Variants in BRD10 observed in about 807,000 individuals in gnomAD.
The protein encoded by BRD10 is bromodomain containing 10, also known as uncharacterized bromodomain-containing protein 10.
the BRD10 span, among the ~76,000 whole-genome samples, chr9:5,879,844 A>G: frequency 6.6e-6 from 1 of 152,214 alleles, no homozygotes; most frequent in Non-Finnish European, 1.5e-5. Flanking sequence ...AAAATCCCAT[A>G]GCTCGGATCT....
the BRD10 span, chr9:5,944,863 A>G: frequency 6.9e-7 from 1 of 1,455,544 alleles, no homozygotes; most frequent in Non-Finnish European, 9.4e-7. Context: ...TTTTGGATCA[A>G]CACCTACCGA....
the BRD10 span, chr9:5,920,007 G>T: frequency 6.2e-7 from 1 of 1,614,022 alleles, no homozygotes; most frequent in South Asian, 1.1e-5. Flanking sequence ...GTTGGTACAG[G>T]AGGTGGAACA....
chr9:5,960,430 C>T, the BRD10 span, among the ~76,000 whole-genome samples: 9 of 152,006 alleles, frequency 5.9e-5, no homozygotes, highest in African/African-American at 2.2e-4. Context: ...GACATGGTGG[C>T]ACATGCCTGT....
the BRD10 span, among the ~76,000 whole-genome samples, chr9:5,974,706 T>C: frequency 6.6e-6 from 1 of 152,168 alleles, no homozygotes; most frequent in African/African-American, 2.4e-5. Context: ...ACTCTACAGA[T>C]GTGCAGAGGA....
At chr9:5,955,623 C>A in the BRD10 span, among the ~76,000 whole-genome samples, 16 of 149,636 alleles carry the variant, frequency 1.1e-4, no homozygotes, top group African/African-American at 3.8e-4. Context: ...TATACTATGA[C>A]TGAACTGCAA....
At chr9:5,986,567 T>C in the BRD10 span, among the ~76,000 whole-genome samples, 1 of 152,232 alleles carries the variant, frequency 6.6e-6, no homozygotes, top group Non-Finnish European at 1.5e-5. Context: ...GCTGAACTAA[T>C]TTACATTCCC....
the BRD10 span, chr9:5,921,161 T>C: frequency 3.1e-6 from 5 of 1,613,948 alleles, no homozygotes; most frequent in Non-Finnish European, 4.2e-6. Flanking sequence ...AATATAGCCC[T>C]TGCTACTTTT....
At chr9:5,937,617 A>C in the BRD10 span, among the ~76,000 whole-genome samples, 1 of 152,234 alleles carries the variant, frequency 6.6e-6, no homozygotes, top group Non-Finnish European at 1.5e-5. Flanking sequence ...AACTCCTCTG[A>C]AACTCAACTC....
At chr9:5,952,169 T>C in the BRD10 span, among the ~76,000 whole-genome samples, 3 of 151,978 alleles carry the variant, frequency 2.0e-5, no homozygotes, top group South Asian at 4.2e-4. Context: ...TACAGGCACA[T>C]GCCACCACAC....
the BRD10 span, among the ~76,000 whole-genome samples, chr9:5,973,137 C>T: frequency 3.3e-5 from 5 of 152,228 alleles, no homozygotes; most frequent in African/African-American, 1.2e-4. Context: ...AAATGCTCTA[C>T]GGAGTTTAAA....
At chr9:5,972,875 T>A in the BRD10 span, among the ~76,000 whole-genome samples, 2 of 152,176 alleles carry the variant, frequency 1.3e-5, no homozygotes, top group Non-Finnish European at 2.9e-5. Flanking sequence ...GTATCTTTAA[T>A]ATACTCAGAA....
At chr9:5,993,758 G>C in the BRD10 span, among the ~76,000 whole-genome samples, 4 of 152,214 alleles carry the variant, frequency 2.6e-5, no homozygotes, top group East Asian at 7.7e-4. Context: ...TCAGAAGTCA[G>C]AGGTCAAGGC....
At chr9:5,998,650 T>C in the BRD10 span, among the ~76,000 whole-genome samples, 1 of 152,096 alleles carries the variant, frequency 6.6e-6, no homozygotes, top group African/African-American at 2.4e-5. Context: ...AATACATGTG[T>C]ACATATGAGA....
chr9:5,884,819 A>T, the BRD10 span, among the ~76,000 whole-genome samples: 1 of 152,186 alleles, frequency 6.6e-6, no homozygotes, highest in Non-Finnish European at 1.5e-5. Context: ...CATGGGATTT[A>T]CCACGTTTCT....
chr9:5,929,161 T>TA, the BRD10 span: 1 of 1,440,184 alleles, frequency 6.9e-7, no homozygotes, highest in Non-Finnish European at 9.7e-7. Flanking sequence ...CCATTTTCCC[T>TA]AAAAATAATG....
the BRD10 span, among the ~76,000 whole-genome samples, chr9:5,955,557 A>C: frequency 6.6e-6 from 1 of 152,206 alleles, no homozygotes; most frequent in Middle Eastern, 3.2e-3. Flanking sequence ...CTTTTTAATC[A>C]TATCGCAGAA....
At chr9:5,899,016 T>C in the BRD10 span, 1 of 152,318 alleles carries the variant, frequency 6.6e-6, no homozygotes, top group Admixed American at 6.5e-5. Flanking sequence ...ATGGGAAACA[T>C]CAACTGAGTT....
At chr9:5,904,771 C>A in the BRD10 span, among the ~76,000 whole-genome samples, 11 of 147,048 alleles carry the variant, frequency 7.5e-5, no homozygotes, top group Admixed American at 1.4e-4. Flanking sequence ...AGTCCAGTTA[C>A]ACTTCTTTTT....
At chr9:5,924,609 T>A in the BRD10 span, 1 of 1,179,038 alleles carries the variant, frequency 8.5e-7, no homozygotes, top group East Asian at 2.5e-5. Context: ...AAACAAAAAC[T>A]TCTCTTTGTG....
Sources: allele counts gnomAD v4.1 joint callset (sites outside exome capture counted in the v4.1 genomes callset), GRCh38; gene constraint gnomAD v4.1.1; transcripts MANE v1.5; gene names NCBI Gene and HGNC (gene_info 2026-07-23, HGNC 2026-07-21).